Variants in RBFOX1 observed in about 807,000 individuals in gnomAD.
RBFOX1 encodes RNA binding fox-1 homolog 1, also known as RNA binding protein fox-1 homolog 1.
In RBFOX1, 8 loss-of-function variants were observed where a neutral mutation model predicts 57.7. That is an observed-to-expected ratio of 0.14 (90% CI 0.08 to 0.25). RBFOX1 has a LOEUF of 0.25. RBFOX1 is among the 10% of genes least tolerant of loss of function. The pLI is 1.00. For synonymous variants in RBFOX1, 326 were observed against 222.4 expected (o/e 1.47, Z -4.15); for missense variants, 611 against 548.5 (o/e 1.11, Z -1.14).
rs1469077588 is a variant in RBFOX1, at chr16:7,392,958, C to T, written c.28-125189C>T. ...GCATGATCTCGGCTCACTGCAACCT[C>T]CGCCTCCCAGGTTCCAGTGATTTTC... is the stretch of plus-strand genomic sequence containing the variant. On this transcript the variant is annotated intron_variant, in intron 4 of 15. Transcript: ENST00000550418. Among the ~76,000 whole-genome samples the T allele has an allele frequency of 7.9e-5, 12 of 152,200 alleles. No individual in the cohort carries two copies. In the East Asian group the frequency reaches 2.3e-3, roughly 29 times the overall value.
intron 4 of RBFOX1, among the ~76,000 whole-genome samples, chr16:5,937,929 A>G (rs558229118): frequency 5.3e-5 from 8 of 152,192 alleles, no homozygotes; most frequent in African/African-American, 1.4e-4. Flanking sequence ...TCGATGTCAA[A>G]TATATGTTAC....
chr16:6,504,837 C>G (rs1037261104), intron 2 of RBFOX1, among the ~76,000 whole-genome samples: 1 of 151,918 alleles, frequency 6.6e-6, no homozygotes, highest in Non-Finnish European at 1.5e-5. Flanking sequence ...GGGTGAATCA[C>G]GAGGTCAGGA....
At chr16:6,600,325 A>G (rs560503981) in intron 2 of RBFOX1, among the ~76,000 whole-genome samples, 1 of 152,130 alleles carries the variant, frequency 6.6e-6, no homozygotes, top group African/African-American at 2.4e-5. Context: ...CCCAGCATTG[A>G]GCTCCAGCTG....
intron 2 of RBFOX1, among the ~76,000 whole-genome samples, chr16:6,604,332 T>G (rs1485733480): frequency 1.3e-5 from 2 of 152,198 alleles, no homozygotes; most frequent in Non-Finnish European, 2.9e-5. Context: ...TAACAGCATT[T>G]TCTTATTTTT....
chr16:5,507,238 C>T (rs1324337403), intron 2 of RBFOX1, among the ~76,000 whole-genome samples: 1 of 152,154 alleles, frequency 6.6e-6, no homozygotes, highest in African/African-American at 2.4e-5. Context: ...CCATGACTGT[C>T]ATCACTGCTG....
intron 2 of RBFOX1, among the ~76,000 whole-genome samples, chr16:6,515,281 C>G (rs886895872): frequency 2.0e-5 from 3 of 152,224 alleles, no homozygotes; most frequent in African/African-American, 7.2e-5. Context: ...CCTCTCCTGA[C>G]CCATCCATTT....
At chr16:6,192,750 G>A (rs2097150137) in intron 1 of RBFOX1, among the ~76,000 whole-genome samples, 1 of 152,088 alleles carries the variant, frequency 6.6e-6, no homozygotes, top group Non-Finnish European at 1.5e-5. Flanking sequence ...AGGTTGTTGG[G>A]ATGAGTCAGT....
chr16:5,790,793 T>A (rs995402072), intron 3 of RBFOX1, among the ~76,000 whole-genome samples: 2 of 152,094 alleles, frequency 1.3e-5, no homozygotes, highest in African/African-American at 4.8e-5. Context: ...ACAGGACCAT[T>A]CCAGAGTCAC....
intron 2 of RBFOX1, among the ~76,000 whole-genome samples, chr16:5,583,099 C>T (rs1209513978): frequency 6.6e-6 from 1 of 152,224 alleles, no homozygotes; most frequent in African/African-American, 2.4e-5. Flanking sequence ...ACTTTGAACC[C>T]TGGCAGTTTG....
chr16:5,898,946 C>T (rs1042581795), intron 4 of RBFOX1, among the ~76,000 whole-genome samples: 5 of 151,092 alleles, frequency 3.3e-5, no homozygotes, highest in Non-Finnish European at 7.4e-5. Flanking sequence ...GCCTGTGGTC[C>T]CAGCTACGTG....
At chr16:6,169,173 A>G (rs935519088) in intron 1 of RBFOX1, among the ~76,000 whole-genome samples, 1 of 152,194 alleles carries the variant, frequency 6.6e-6, no homozygotes, top group Non-Finnish European at 1.5e-5. Context: ...AAAGCAAAAC[A>G]TGATCACTGA....
chr16:6,022,871 C>G (rs1003201176), intron 1 of RBFOX1, among the ~76,000 whole-genome samples: 1 of 152,142 alleles, frequency 6.6e-6, no homozygotes, highest in Non-Finnish European at 1.5e-5. Flanking sequence ...GGCAAGAACA[C>G]AACATGGGCT....
At chr16:6,935,750 G>GA (rs1337076089) in intron 3 of RBFOX1, among the ~76,000 whole-genome samples, 1 of 152,138 alleles carries the variant, frequency 6.6e-6, no homozygotes, top group Non-Finnish European at 1.5e-5. Context: ...TTAATCAGAA[G>GA]AATGGAAAGT....
At chr16:6,376,158 G>C (rs966684087) in intron 2 of RBFOX1, among the ~76,000 whole-genome samples, 3 of 152,142 alleles carry the variant, frequency 2.0e-5, no homozygotes, top group Non-Finnish European at 2.9e-5. Flanking sequence ...ATCAATATCT[G>C]TGATTCTTTG....
chr16:6,871,809 C>G (rs1455777947), intron 3 of RBFOX1, among the ~76,000 whole-genome samples: 1 of 152,068 alleles, frequency 6.6e-6, no homozygotes. Context: ...GAAATGTTGT[C>G]AGTGGCCCTC....
At chr16:6,943,992 A>C (rs115758395) in intron 3 of RBFOX1, among the ~76,000 whole-genome samples, 1,635 of 152,206 alleles carry the variant, frequency 0.011, 30 homozygotes, top group African/African-American at 0.037. Context: ...CGAACTGTTC[A>C]TTGCTCAAAC....
chr16:6,804,519 C>A (rs538306015), intron 3 of RBFOX1, among the ~76,000 whole-genome samples: 1 of 152,176 alleles, frequency 6.6e-6, no homozygotes, highest in Admixed American at 6.5e-5. Context: ...AATCTTCATC[C>A]TACAAATAAA....
In RBFOX1 at chr16:7,579,067, C is replaced by T. The variant is rs1021216086; in HGVS notation, c.271-710C>T. ...TTATTCAGTATGGAAGCAATAACTA[C>T]ATGTGGTTCTTGAGCGCTTGAAATG... On this transcript the variant is annotated intron_variant, in intron 5 of 15. Coordinates refer to ENST00000550418, the MANE Select transcript of RBFOX1 (RefSeq NM_018723.4). Among the ~76,000 whole-genome samples the T allele has an allele frequency of 1.3e-5, 2 of 152,226 alleles. 1 individual carries two copies. The highest frequency in any genetic ancestry group is 4.8e-5 in the African/African-American group (2 of 41,472).
intron 4 of RBFOX1, among the ~76,000 whole-genome samples, chr16:7,503,266 C>T (rs4787039): frequency 0.028 from 4,333 of 152,214 alleles, 219 homozygotes; most frequent in African/African-American, 0.099. Context: ...TAGTCAGCAA[C>T]GTTCACGGCA....
Sources: gnomAD v4.1 joint callset for allele counts (sites outside exome capture counted in the v4.1 genomes callset) on GRCh38, gnomAD v4.1.1 for gene constraint, MANE v1.5 for transcripts, NCBI Gene and HGNC (gene_info 2026-07-23, HGNC 2026-07-21) for gene names.